Variants in CRACR2A observed in about 807,000 individuals in gnomAD.
The protein encoded by CRACR2A is calcium release activated channel regulator 2A, also known as EF-hand calcium-binding domain-containing protein 4B.
Under a neutral mutation model 90.5 loss-of-function variants are expected in CRACR2A, and 79 were observed. The observed-to-expected ratio is 0.87, with a 90% CI of 0.73 to 1.05. CRACR2A has a LOEUF of 1.05. CRACR2A is among the 50% of genes least tolerant of loss of function. The pLI, the probability that CRACR2A is intolerant of heterozygous loss-of-function variation, is 0.00. For synonymous variants in CRACR2A, 338 were observed against 356.7 expected (o/e 0.95, Z 0.59); for missense variants, 823 against 897.2 (o/e 0.92, Z 1.06).
chr12:3,635,461 T>G (rs1944439387), intron 14 of CRACR2A, among the ~76,000 whole-genome samples: 1 of 152,220 alleles, frequency 6.6e-6, no homozygotes, highest in Non-Finnish European at 1.5e-5. Context: ...AAATTAATTC[T>G]TCATAGTCTA....
At chr12:3,653,129 T>A (rs1454382583) in intron 10 of CRACR2A, among the ~76,000 whole-genome samples, 1 of 152,092 alleles carries the variant, frequency 6.6e-6, no homozygotes, top group Non-Finnish European at 1.5e-5. Context: ...ATTACAGGCG[T>A]GCGCCATCAT....
chr12:3,682,868 C>T (rs915552479), intron 4 of CRACR2A, among the ~76,000 whole-genome samples: 4 of 151,878 alleles, frequency 2.6e-5, no homozygotes, highest in South Asian at 2.1e-4. Context: ...CTGCAACCTC[C>T]GCCTCCCGGG....
At chr12:3,661,071 C>T (rs914098922) in intron 7 of CRACR2A, among the ~76,000 whole-genome samples, 4 of 152,122 alleles carry the variant, frequency 2.6e-5, no homozygotes, top group African/African-American at 9.7e-5. Context: ...CATTTTAACC[C>T]CTAACTCCCA....
At chr12:3,638,891 T>A (rs929227118) in intron 13 of CRACR2A, among the ~76,000 whole-genome samples, 1 of 152,164 alleles carries the variant, frequency 6.6e-6, no homozygotes, top group South Asian at 2.1e-4. Context: ...GCGCCCCCGA[T>A]TAACATTAGC....
intron 11 of CRACR2A, chr12:3,647,970 G>C: frequency 1.0e-6 from 1 of 985,556 alleles, no homozygotes; most frequent in Non-Finnish European, 1.2e-6. Context: ...TTATTGCTGG[G>C]GGTCTTTGAA....
chr12:3,748,807 C>T (rs984466871), intron 1 of CRACR2A, among the ~76,000 whole-genome samples: 2 of 152,206 alleles, frequency 1.3e-5, no homozygotes, highest in African/African-American at 2.4e-5. Flanking sequence ...GGGTTGTCCT[C>T]CCCCTCACCT....
chr12:3,678,941 T>G lies in CRACR2A; in HGVS notation c.498A>C (p.Arg166Ser). 6.2e-7 allele frequency: 1 copy of G among 1,611,990 alleles called. No homozygotes were observed. The highest frequency in any genetic ancestry group is 1.1e-5 in the South Asian group (1 of 90,512). The change falls in exon 6 of 20, where the codon AGA (arginine) becomes AGC (serine). Residue 166 changes from arginine (R) to serine (S), a missense_variant. Coordinates refer to ENST00000440314, the MANE Select transcript of CRACR2A (RefSeq NM_001144958.2). Reference sequence around the variant, plus strand: ...CTTCCAACACCTTTTGGGCTCCAAGTCTGTCCATCAGCATCCGGAACTGGG... The same window carrying G: ...CTTCCAACACCTTTTGGGCTCCAAGGCTGTCCATCAGCATCCGGAACTGGG... ...EEAQFRMLMD[R>S]LGAQKVLEDE...
At chr12:3,738,793 T>C (rs570730497) in intron 1 of CRACR2A, among the ~76,000 whole-genome samples, 1 of 152,192 alleles carries the variant, frequency 6.6e-6, no homozygotes, top group African/African-American at 2.4e-5. Context: ...AAGAAATCCA[T>C]AAGCAGACAC....
At chr12:3,623,083 G>T (rs2137286496) in intron 17 of CRACR2A, among the ~76,000 whole-genome samples, 1 of 152,298 alleles carries the variant, frequency 6.6e-6, no homozygotes, top group South Asian at 2.1e-4. Context: ...AAAAGTAAAT[G>T]AACACCTGCT....
chr12:3,718,678 A>G lies in CRACR2A; in HGVS notation c.-117-5361T>C, dbSNP rs548644031. On this transcript the variant is annotated intron_variant, in intron 2 of 19. Coordinates refer to ENST00000440314, the MANE Select transcript of CRACR2A (RefSeq NM_001144958.2). Reference sequence around the variant, plus strand: ...TTAGGTTAAACAAAATGTTATTACAATGAATTTCATCTGTTTCTTTTACTT... The same window carrying G: ...TTAGGTTAAACAAAATGTTATTACAGTGAATTTCATCTGTTTCTTTTACTT... 7.3e-4 allele frequency among the ~76,000 whole-genome samples: 111 copies of G among 152,370 alleles called. 2 individuals carry two copies. The highest frequency in any genetic ancestry group is 7.1e-3 in the Admixed American group (109 of 15,306).
chr12:3,659,484 AC>A, intron 8 of CRACR2A, 79 bp downstream of exon 8: 3 of 1,294,684 alleles, frequency 2.3e-6, no homozygotes, highest in Non-Finnish European at 3.3e-6. Flanking sequence ...GGATGGGGGC[AC>A]CAAAATCTTA....
chr12:3,742,496 C>T (rs375716093), intron 1 of CRACR2A, among the ~76,000 whole-genome samples: 1 of 152,062 alleles, frequency 6.6e-6, no homozygotes, highest in African/African-American at 2.4e-5. Context: ...CCCGTCTAGA[C>T]GAAGGAGGAA....
At chr12:3,632,955 C>G (rs755228804) in intron 15 of CRACR2A, among the ~76,000 whole-genome samples, 7 of 152,204 alleles carry the variant, frequency 4.6e-5, no homozygotes, top group Middle Eastern at 3.2e-3. Flanking sequence ...ATGCAACCCT[C>G]AACTGTGGGT....
intron 4 of CRACR2A, among the ~76,000 whole-genome samples, chr12:3,687,481 G>A (rs1945580690): frequency 6.6e-6 from 1 of 152,124 alleles, no homozygotes; most frequent in Non-Finnish European, 1.5e-5. Context: ...AGTTTGCTAT[G>A]GATAATGGCC....
intron 3 of CRACR2A, among the ~76,000 whole-genome samples, chr12:3,709,273 T>G (rs1364099839): frequency 6.6e-6 from 1 of 152,252 alleles, no homozygotes; most frequent in East Asian, 1.9e-4. Context: ...AGCAGAAGCT[T>G]CTCTCAAATG....
chr12:3,713,234 C>T lies in CRACR2A; in HGVS notation c.-37+3G>A. 1.0e-6 allele frequency: 1 copy of T among 985,380 alleles called. No homozygotes were observed. Among genetic ancestry groups the T allele is most frequent in the Non-Finnish European group, 1.2e-6 (1 of 829,940 alleles). The allele number at this position is 985,380 out of a possible 1,614,324, so 61.0% of individuals were successfully genotyped here. On this transcript the variant is annotated splice_donor_region_variant and intron_variant, in intron 3 of 19. Transcript: ENST00000440314. ...ACCTGTCGCCTTTTGTTCGCTCACTCACCTTGCAGCTCCCGGCTCCTCGGA... is the reference window on the plus strand; with the variant it reads ...ACCTGTCGCCTTTTGTTCGCTCACTTACCTTGCAGCTCCCGGCTCCTCGGA...
intron 7 of CRACR2A, among the ~76,000 whole-genome samples, chr12:3,665,932 C>G (rs939154347): frequency 7.2e-5 from 11 of 152,110 alleles, no homozygotes; most frequent in African/African-American, 2.2e-4. Context: ...GTACTGAGCC[C>G]AGTGCTATAG....
intron 5 of CRACR2A, among the ~76,000 whole-genome samples, chr12:3,679,902 C>T (rs527642876): frequency 6.6e-6 from 1 of 152,288 alleles, no homozygotes; most frequent in South Asian, 2.1e-4. Flanking sequence ...TCTATGAAGG[C>T]AGAAAAGGAG....
At chr12:3,741,582 G>A (rs2137898487) in intron 1 of CRACR2A, among the ~76,000 whole-genome samples, 1 of 152,214 alleles carries the variant, frequency 6.6e-6, no homozygotes, top group South Asian at 2.1e-4. Flanking sequence ...CTCTTTTATA[G>A]ATGAGGCAAC....
Sources: gnomAD v4.1 joint callset for allele counts (sites outside exome capture counted in the v4.1 genomes callset) on GRCh38, gnomAD v4.1.1 for gene constraint, MANE v1.5 for transcripts, NCBI Gene and HGNC (gene_info 2026-07-23, HGNC 2026-07-21) for gene names.